TRMT61B: variants seen among roughly 807,000 people sequenced by gnomAD.
The protein encoded by TRMT61B is tRNA methyltransferase 61B, also known as tRNA (adenine(58)-N(1))-methyltransferase, mitochondrial.
A neutral mutation model predicts 52.0 loss-of-function variants in TRMT61B; 56 were observed. That is an observed-to-expected ratio of 1.08 (90% confidence interval 0.87 to 1.35). TRMT61B has a LOEUF of 1.35. Ranked by LOEUF, TRMT61B falls within the 40% of genes most tolerant of loss-of-function variation. The probability of loss-of-function intolerance (pLI) is 0.00; values close to 1 mark genes in which losing one functional copy is unlikely to be tolerated. For synonymous variants in TRMT61B, 206 were observed against 220.0 expected, an observed-to-expected ratio of 0.94 and a Z score of 0.56; for missense variants, 650 against 577.9, an observed-to-expected ratio of 1.12 and a Z score of -1.28.
intron 2 of TRMT61B, among the ~76,000 whole-genome samples, chr2:28,862,870 G>A (rs1050366771): frequency 7.6e-6 from 1 of 130,720 alleles, no homozygotes; most frequent in Non-Finnish European, 1.5e-5. Flanking sequence ...GTATTTGTGT[G>A]TGTGTGTGTG....
intron 3 of TRMT61B, among the ~76,000 whole-genome samples, chr2:28,858,242 AT>A (rs1669432090): frequency 6.6e-6 from 1 of 151,814 alleles, no homozygotes; most frequent in South Asian, 2.1e-4. Flanking sequence ...GGGTTTCACC[AT>A]GTTAGCCAGG....
chr2:28,857,330 C>G (rs748117975), intron 3 of TRMT61B, among the ~76,000 whole-genome samples: 1 of 151,906 alleles, frequency 6.6e-6, no homozygotes, highest in Non-Finnish European at 1.5e-5. Flanking sequence ...GCACAGCACA[C>G]GACACATGGC....
chr2:28,867,019 G>A (rs1270669547), intron 1 of TRMT61B, among the ~76,000 whole-genome samples: 1 of 151,580 alleles, frequency 6.6e-6, no homozygotes, highest in East Asian at 1.9e-4. Flanking sequence ...GGTTAGTCTT[G>A]AACTCCTAGC....
At chr2:28,864,947 C>A (rs1669766669) in intron 2 of TRMT61B, 70 bp downstream of exon 2, 1 of 916,280 alleles carries the variant, frequency 1.1e-6, no homozygotes, top group East Asian at 2.6e-5. Context: ...TATCTTTATA[C>A]CTTTCTGTTA....
chr2:28,852,167 G>T (rs1669136782), intron 4 of TRMT61B, among the ~76,000 whole-genome samples: 1 of 151,296 alleles, frequency 6.6e-6, no homozygotes, highest in African/African-American at 2.4e-5. Context: ...GAAAAAATCA[G>T]CCGGGCGTGG....
chr2:28,859,554 T>C (rs1298046991), intron 3 of TRMT61B, among the ~76,000 whole-genome samples: 1 of 152,136 alleles, frequency 6.6e-6, no homozygotes, highest in Admixed American at 6.6e-5. Flanking sequence ...CAACTATAAT[T>C]CTTTGGTCCT....
rs756131371 is a variant in TRMT61B, at chr2:28,850,203, T to A, written c.1430A>T (p.Asn477Ile). The change falls in exon 7 of 7, where the codon AAC becomes ATC. Residue 477 changes from asparagine to isoleucine, a missense_variant. Transcript: ENST00000306108. ...AGTTACTGTCATCTGGAGTACTCAGTTAAGTTGTGGTTTGACCTTCCTCAA... is the reference window on the plus strand; with the variant it reads ...AGTTACTGTCATCTGGAGTACTCAGATAAGTTGTGGTTTGACCTTCCTCAA... The part of the protein sequence containing the change: ...VKLRKVKPQL[N>I] 3 of 1,611,776 alleles carry A rather than the reference T, an allele frequency of 1.9e-6. No individual in the cohort carries two copies. Among genetic ancestry groups the A allele is most frequent in the South Asian group, 2.2e-5 (2 of 90,632 alleles).
At chr2:28,855,365 ACT>A (rs1176942789) in intron 3 of TRMT61B, among the ~76,000 whole-genome samples, 1 of 152,194 alleles carries the variant, frequency 6.6e-6, no homozygotes, top group Non-Finnish European at 1.5e-5. Context: ...CATTAAGTAT[ACT>A]CTGACTCACT....
intron 3 of TRMT61B, among the ~76,000 whole-genome samples, chr2:28,855,367 TCTGA>T (rs1416227361): frequency 6.6e-6 from 1 of 152,222 alleles, no homozygotes; most frequent in Non-Finnish European, 1.5e-5. Context: ...TTAAGTATAC[TCTGA>T]CTCACTTTAA....
chr2:28,856,114 A>G (rs1669329286), intron 3 of TRMT61B, among the ~76,000 whole-genome samples: 2 of 152,230 alleles, frequency 1.3e-5, no homozygotes, highest in African/African-American at 4.8e-5. Flanking sequence ...GAAAACTGCA[A>G]ATCTTGAATG....
intron 1 of TRMT61B, among the ~76,000 whole-genome samples, chr2:28,867,494 TGTA>T (rs1327424466): frequency 6.6e-6 from 1 of 152,208 alleles, no homozygotes; most frequent in Non-Finnish European, 1.5e-5. Context: ...ATTTCAAAGT[TGTA>T]GAAGTTGAAG....
intron 2 of TRMT61B, chr2:28,862,011 G>A (rs1028808007): frequency 4.6e-5 from 7 of 151,976 alleles, no homozygotes; most frequent in Non-Finnish European, 1.0e-4. Context: ...AGACCATCCT[G>A]GCTAACACGG....
rs762433529 is a variant in TRMT61B at position 28,869,829 on chromosome 2, G to T, written c.449C>A (p.Pro150His). Residue 150 changes from proline to histidine, a missense_variant, in exon 1 of 7, where the codon CCC (proline) becomes CAC (histidine). Coordinates refer to ENST00000306108, the MANE Select transcript of TRMT61B (RefSeq NM_017910.4). Reference protein sequence around the residue: ...SPSCSTSRERPFQAGELILAE... With the variant: ...SPSCSTSRERHFQAGELILAE... ...TAAAATCAGTTCCCCAGCCTGAAAG[G>T]GTCTCTCTCTGGAAGTTGAACAAGA... 7.4e-6 allele frequency: 12 copies of T among 1,614,076 alleles called. No individual in the cohort carries two copies. The highest frequency in any genetic ancestry group is 8.5e-6 in the Non-Finnish European group (10 of 1,179,986).
chr2:28,861,041 G>T, intron 3 of TRMT61B, 77 bp downstream of exon 3: 3 of 1,230,420 alleles, frequency 2.4e-6, no homozygotes, highest in Non-Finnish European at 2.2e-6. Context: ...GAAGACCTTT[G>T]CCCATACAAA....
chr2:28,863,629 A>G (rs1235109284), intron 2 of TRMT61B, among the ~76,000 whole-genome samples: 1 of 152,148 alleles, frequency 6.6e-6, no homozygotes, highest in Non-Finnish European at 1.5e-5. Flanking sequence ...CACTTTGTCA[A>G]ATGAAACCGT....
At chr2:28,869,221 G>A (rs920504901) in intron 1 of TRMT61B, among the ~76,000 whole-genome samples, 43 of 152,084 alleles carry the variant, frequency 2.8e-4, no homozygotes. Flanking sequence ...TGTTCCCTAA[G>A]AGTTCAACAT....
At position 28,861,263 on chromosome 2, in the gene TRMT61B, T is replaced by C; in HGVS notation, c.848A>G (p.His283Arg). 1 of 1,610,498 alleles carries C rather than the reference T, an allele frequency of 6.2e-7. No homozygotes were observed. The highest frequency in any genetic ancestry group is 8.5e-7 in the Non-Finnish European group (1 of 1,179,094). The change falls in exon 3 of 7, where the codon CAC (histidine) becomes CGC (arginine). Residue 283 changes from histidine to arginine, a missense_variant. His to Arg is a conservative substitution (Grantham distance 29, BLOSUM62 0). Transcript: ENST00000306108. ...RVISFEVRKDHHDLAKKNYKH... is the reference protein window; with the variant it reads ...RVISFEVRKDRHDLAKKNYKH... ...GTAATTCTTCTTAGCCAGATCATGGTGGTCTTTTCGTACCTCAAAACTTAT... is the reference window on the plus strand; with the variant it reads ...GTAATTCTTCTTAGCCAGATCATGGCGGTCTTTTCGTACCTCAAAACTTAT...
At chr2:28,855,822 T>C (rs1436056715) in intron 3 of TRMT61B, among the ~76,000 whole-genome samples, 1 of 151,960 alleles carries the variant, frequency 6.6e-6, no homozygotes. Flanking sequence ...TACAAAAAAA[T>C]TAGCTGGGCA....
rs765833895 is a variant in TRMT61B at position 28,850,321 on chromosome 2, TACTC to T, written c.1390+3_1390+6del. On this transcript the variant is annotated splice_donor_5th_base_variant and intron_variant, in intron 6 of 6. Transcript: ENST00000306108. Reference sequence around the variant, plus strand: ...ACCATTTAATATGTTCTGAAAACATTACTCACCTGTATGACCAGGTTGCCAGTGT... The same window carrying T: ...ACCATTTAATATGTTCTGAAAACATTACCTGTATGACCAGGTTGCCAGTGT... The T allele has an allele frequency of 1.0e-5, 16 of 1,606,980 alleles. No homozygotes were observed. Among genetic ancestry groups the T allele is most frequent in the African/African-American group, 1.3e-5 (1 of 74,686 alleles).
Sources: allele counts gnomAD v4.1 joint callset (sites outside exome capture counted in the v4.1 genomes callset), GRCh38; gene constraint gnomAD v4.1.1; transcripts MANE v1.5; gene names NCBI Gene and HGNC (gene_info 2026-07-23, HGNC 2026-07-21).